Variants in GULP1 observed in about 807,000 individuals in gnomAD.
GULP1 encodes the protein GULP PTB domain containing engulfment adaptor 1.
In GULP1, 19 loss-of-function variants were observed where a neutral mutation model predicts 40.9. The observed-to-expected ratio is 0.46, with a 90% CI of 0.32 to 0.68. The LOEUF is 0.68. GULP1 is among the 30% of genes least tolerant of loss of function. The pLI, the probability that GULP1 is intolerant of heterozygous loss-of-function variation, is 0.03. For synonymous variants in GULP1, 119 were observed against 117.6 expected, an observed-to-expected ratio of 1.01 and a Z score of -0.08; for missense variants, 312 against 362.2, an observed-to-expected ratio of 0.86 and a Z score of 1.12.
At chr2:188,303,985 A>G (rs191042560) in intron 1 of GULP1, among the ~76,000 whole-genome samples, 2 of 152,274 alleles carry the variant, frequency 1.3e-5, no homozygotes, top group South Asian at 2.1e-4. Flanking sequence ...CTGCCCTTAC[A>G]GAATAGGAGT....
At chr2:188,337,671 G>C (rs1057167245) in intron 1 of GULP1, among the ~76,000 whole-genome samples, 2 of 151,936 alleles carry the variant, frequency 1.3e-5, no homozygotes, top group African/African-American at 2.4e-5. Context: ...ACTTTGGTGA[G>C]TGTGCCTGGT....
intron 2 of GULP1, among the ~76,000 whole-genome samples, chr2:188,444,659 T>C (rs2058229867): frequency 1.3e-5 from 2 of 152,190 alleles, no homozygotes; most frequent in Admixed American, 1.3e-4. Context: ...TCCGATATTC[T>C]GTGTGCATTC....
At position 188,452,512 on chromosome 2, in the gene GULP1, C is replaced by T. The variant is rs571439059; in HGVS notation, c.-44-25147C>T. 5.3e-5 allele frequency among the ~76,000 whole-genome samples: 8 copies of T among 152,190 alleles called. No homozygotes were observed. The South Asian group carries it at 1.7e-3, about 32-fold the overall frequency. The stretch of plus-strand genomic sequence containing the variant: ...CCCATCTTATTTAAGAATATTTTTT[C>T]ATTTTATCTTCTGCAATTCTCACTT... On this transcript the variant is annotated intron_variant, in intron 2 of 11. Transcript: ENST00000409830.
intron 1 of GULP1, among the ~76,000 whole-genome samples, chr2:188,355,271 CA>C (rs1346006360): frequency 6.6e-6 from 1 of 151,434 alleles, no homozygotes; most frequent in Non-Finnish European, 1.5e-5. Context: ...TAAGTAAAAT[CA>C]ACAAACCATT....
At chr2:188,484,639 A>AT (rs1248771134) in intron 4 of GULP1, among the ~76,000 whole-genome samples, 2 of 152,172 alleles carry the variant, frequency 1.3e-5, no homozygotes, top group Non-Finnish European at 2.9e-5. Context: ...TTCAGGAAAA[A>AT]TTAAAGAATG....
intron 2 of GULP1, among the ~76,000 whole-genome samples, chr2:188,438,353 A>G (rs1398242686): frequency 6.6e-6 from 1 of 151,522 alleles, no homozygotes; most frequent in East Asian, 1.9e-4. Flanking sequence ...ATATACATAT[A>G]TAGATATAGA....
intron 1 of GULP1, among the ~76,000 whole-genome samples, chr2:188,300,155 G>A (rs1020788152): frequency 5.3e-5 from 8 of 151,920 alleles, no homozygotes; most frequent in South Asian, 2.1e-4. Context: ...TTGTGCTCTC[G>A]ATTTCATATT....
At chr2:188,491,661 C>T (rs2062401742) in intron 4 of GULP1, 2 of 152,044 alleles carry the variant, frequency 1.3e-5, no homozygotes, top group South Asian at 4.1e-4. Context: ...TAAGATGAGG[C>T]AGGTGGCCAG....
chr2:188,361,160 G>A (rs937220805), intron 1 of GULP1, among the ~76,000 whole-genome samples: 9 of 151,976 alleles, frequency 5.9e-5, no homozygotes, highest in Non-Finnish European at 2.9e-5. Flanking sequence ...ATAGAGAGTC[G>A]CTGTCATTGT....
intron 5 of GULP1, 48 bp from the exon 6 acceptor site, chr2:188,529,049 C>T (rs751664416): frequency 1.2e-6 from 1 of 857,600 alleles, no homozygotes; most frequent in Non-Finnish European, 1.9e-6. Context: ...TTTGTTCATT[C>T]TTTATAGAAA....
intron 1 of GULP1, among the ~76,000 whole-genome samples, chr2:188,295,756 G>C (rs891181113): frequency 2.6e-5 from 4 of 152,008 alleles, no homozygotes; most frequent in Admixed American, 2.0e-4. Context: ...TCTGTAAAAA[G>C]CACGTGTATA....
At chr2:188,387,739 GAT>G (rs1045990141) in intron 2 of GULP1, among the ~76,000 whole-genome samples, 4 of 152,132 alleles carry the variant, frequency 2.6e-5, no homozygotes, top group Admixed American at 2.6e-4. Flanking sequence ...AGAGAGATTA[GAT>G]ATAGCAGAGT....
chr2:188,315,003 A>T (rs767566762), intron 1 of GULP1, among the ~76,000 whole-genome samples: 19 of 152,150 alleles, frequency 1.2e-4, no homozygotes, highest in Non-Finnish European at 2.5e-4. Flanking sequence ...GCACCAAAGC[A>T]CAGAGTAGTG....
chr2:188,498,202 A>G (rs1446255575), intron 4 of GULP1, among the ~76,000 whole-genome samples: 2 of 151,916 alleles, frequency 1.3e-5, no homozygotes, highest in Non-Finnish European at 2.9e-5. Context: ...TTGACACTAA[A>G]TTAGAAAGTT....
chr2:188,327,924 G>A (rs1331946890), intron 1 of GULP1, among the ~76,000 whole-genome samples: 1 of 152,114 alleles, frequency 6.6e-6, no homozygotes, highest in East Asian at 1.9e-4. Flanking sequence ...TTCTGGTAAA[G>A]AAATATCTCC....
chr2:188,317,083 C>T (rs981866537), intron 1 of GULP1, among the ~76,000 whole-genome samples: 2 of 152,086 alleles, frequency 1.3e-5, no homozygotes, highest in Non-Finnish European at 2.9e-5. Context: ...CTAGCAAAAT[C>T]GGTTTTTATC....
intron 2 of GULP1, among the ~76,000 whole-genome samples, chr2:188,399,552 T>G (rs1248132563): frequency 1.3e-5 from 2 of 151,846 alleles, no homozygotes; most frequent in Admixed American, 6.6e-5. Context: ...TTCATAAGTG[T>G]TATTTAAAGC....
chr2:188,455,792 C>T (rs950575935), intron 2 of GULP1, among the ~76,000 whole-genome samples: 11 of 152,236 alleles, frequency 7.2e-5, no homozygotes, highest in African/African-American at 2.4e-4. Flanking sequence ...CAGAAGAAGA[C>T]AGGAAAATGT....
chr2:188,523,157 C>CA (rs1467095639), intron 5 of GULP1, among the ~76,000 whole-genome samples: 2 of 152,116 alleles, frequency 1.3e-5, no homozygotes, highest in Non-Finnish European at 2.9e-5. Flanking sequence ...TGTCCCAAAT[C>CA]AAAAGCTAGT....
Sources: allele counts gnomAD v4.1 joint callset (sites outside exome capture counted in the v4.1 genomes callset), GRCh38; gene constraint gnomAD v4.1.1; transcripts MANE v1.5; gene names NCBI Gene and HGNC (gene_info 2026-07-23, HGNC 2026-07-21).